The following PIBF1 variants were observed in gnomAD, a reference collection of about 807,000 sequenced individuals.
The protein encoded by PIBF1 is progesterone-induced-blocking factor 1.
A neutral mutation model predicts 112.5 loss-of-function variants in PIBF1; 90 were observed. That is an observed-to-expected ratio of 0.80 (90% confidence interval 0.67 to 0.95). The LOEUF (loss-of-function observed/expected upper bound fraction) is 0.95. Among genes scored for constraint, PIBF1 ranks in the 40% least tolerant of loss-of-function variants. The pLI is 0.00. For missense variants in PIBF1, 915 were observed against 852.3 expected (o/e 1.07, Z -0.92); for synonymous variants, 301 against 288.6 (o/e 1.04, Z -0.44).
At chr13:72,992,394 C>T (rs549678433) in intron 16 of PIBF1, among the ~76,000 whole-genome samples, 10 of 152,138 alleles carry the variant, frequency 6.6e-5, no homozygotes, top group Admixed American at 1.3e-4. Flanking sequence ...CAGAATGAAA[C>T]GAAGCTCTAG....
intron 5 of PIBF1, among the ~76,000 whole-genome samples, chr13:72,805,206 G>T (rs149438239): frequency 2.6e-5 from 4 of 152,100 alleles, no homozygotes; most frequent in African/African-American, 9.7e-5. Context: ...GCAGTGGCAC[G>T]ATCTCGGTTC....
At chr13:72,822,954 G>T (rs991616256) in intron 6 of PIBF1, among the ~76,000 whole-genome samples, 2 of 152,182 alleles carry the variant, frequency 1.3e-5, no homozygotes, top group African/African-American at 2.4e-5. Flanking sequence ...GAAGTAGAGG[G>T]CATAGTGGCA....
intron 16 of PIBF1, among the ~76,000 whole-genome samples, chr13:72,989,848 G>A (rs2138998057): frequency 6.6e-6 from 1 of 152,234 alleles, no homozygotes. Context: ...TTGCGCAGTG[G>A]AAAGTGGGGA....
At chr13:72,832,966 T>C (rs144941037) in intron 8 of PIBF1, among the ~76,000 whole-genome samples, 1 of 152,200 alleles carries the variant, frequency 6.6e-6, no homozygotes, top group African/African-American at 2.4e-5. Context: ...TATTCATTCC[T>C]TTTTATTCTT....
intron 2 of PIBF1, among the ~76,000 whole-genome samples, chr13:72,785,568 A>G (rs1271769263): frequency 6.6e-6 from 1 of 152,176 alleles, no homozygotes; most frequent in Non-Finnish European, 1.5e-5. Context: ...TGAAGCTCCA[A>G]ACACTTTCTT....
intron 13 of PIBF1, among the ~76,000 whole-genome samples, chr13:72,922,108 A>G (rs2041317343): frequency 6.6e-6 from 1 of 152,090 alleles, no homozygotes; most frequent in Admixed American, 6.6e-5. Context: ...CTTCCTGAGT[A>G]GCTAGGCATG....
chr13:72,931,717 C>CATATATATATATATATATATATAT (rs1414425546), intron 14 of PIBF1, among the ~76,000 whole-genome samples: 7 of 24,408 alleles, frequency 2.9e-4, no homozygotes, highest in East Asian at 1.8e-3. Flanking sequence ...ATTTAAACTA[C>CATATATATATATATATATATATAT]GTATATATAT....
Position 72,931,238 on chromosome 13 carries a change from A to C in PIBF1, c.1804A>C (p.Lys602Gln), listed in dbSNP as rs769414450. 3.1e-6 allele frequency: 5 copies of C among 1,612,164 alleles called. 1 individual carries two copies. In the Admixed American group the frequency reaches 8.3e-5, roughly 27 times the overall value. ...GATTTTAAAAGATCTGGAACATCGA[A>C]AGGACCAAGTAACACAGCTTTCACA... is the stretch of plus-strand genomic sequence containing the variant. ...SLILKDLEHR[K>Q]DQVTQLSQEL... Residue 602 changes from lysine to glutamine, a missense_variant, in exon 14 of 18, where the codon AAG becomes CAG. Lys to Gln is a moderately conservative substitution (Grantham distance 53). Coordinates refer to ENST00000326291, the MANE Select transcript of PIBF1 (RefSeq NM_006346.4).
In PIBF1 at chr13:72,953,988, CACTCAG is replaced by C. The variant is rs549241245; in HGVS notation, c.1834-11285_1834-11280del. On this transcript the variant is annotated intron_variant, in intron 14 of 17. Transcript: ENST00000326291. Reference sequence around the variant, plus strand: ...GTGAGGACTGGACCAGGCAAGTCCTCACTCAGGCTCTCCAGGTACAAGCACAAGCAG... The same window carrying C: ...GTGAGGACTGGACCAGGCAAGTCCTCGCTCTCCAGGTACAAGCACAAGCAG... 4.4e-3 allele frequency among the ~76,000 whole-genome samples: 674 copies of C among 152,246 alleles called. 6 individuals carry two copies. The highest frequency in any genetic ancestry group is 0.015 in the African/African-American group (632 of 41,552).
At chr13:72,927,480 G>T (rs578235908) in intron 13 of PIBF1, among the ~76,000 whole-genome samples, 1 of 152,148 alleles carries the variant, frequency 6.6e-6, no homozygotes, top group South Asian at 2.1e-4. Context: ...CTCCAGCCTG[G>T]TGACAGAGCA....
chr13:72,893,496 G>A (rs2040140594), intron 10 of PIBF1, among the ~76,000 whole-genome samples: 1 of 152,018 alleles, frequency 6.6e-6, no homozygotes, highest in African/African-American at 2.4e-5. Context: ...TCTAAGCAAT[G>A]TAACTGAAAT....
chr13:72,989,965 G>C (rs189071734), intron 16 of PIBF1, among the ~76,000 whole-genome samples: 46 of 152,092 alleles, frequency 3.0e-4, no homozygotes, highest in Non-Finnish European at 1.8e-4. Context: ...TGTAATCTCA[G>C]CACTTTGGGA....
chr13:72,855,747 G>T (rs1024701682), intron 10 of PIBF1, among the ~76,000 whole-genome samples: 1 of 152,160 alleles, frequency 6.6e-6, no homozygotes, highest in South Asian at 2.1e-4. Context: ...CCTATAAAGC[G>T]TTTGTTTTAT....
At chr13:72,809,281 C>A (rs2035889422) in intron 5 of PIBF1, among the ~76,000 whole-genome samples, 1 of 151,518 alleles carries the variant, frequency 6.6e-6, no homozygotes, top group Non-Finnish European at 1.5e-5. Context: ...TGCAATCAAT[C>A]ACATAGTATC....
chr13:72,894,996 C>T (rs894959754), intron 11 of PIBF1, among the ~76,000 whole-genome samples: 2 of 149,754 alleles, frequency 1.3e-5, no homozygotes, highest in African/African-American at 4.9e-5. Flanking sequence ...TGGTGGCATG[C>T]ACCTGTAGTC....
intron 9 of PIBF1, among the ~76,000 whole-genome samples, chr13:72,853,434 G>A (rs1214780265): frequency 6.6e-6 from 1 of 152,104 alleles, no homozygotes; most frequent in Non-Finnish European, 1.5e-5. Context: ...GAAAAGTGCT[G>A]TTCTACCTCC....
chr13:72,834,628 AAAAG>A (rs749898955), intron 8 of PIBF1, among the ~76,000 whole-genome samples: 1 of 152,180 alleles, frequency 6.6e-6, no homozygotes, highest in Non-Finnish European at 1.5e-5. Context: ...CTTTAAGAAA[AAAAG>A]AAAAAAATAC....
At chr13:72,848,238 T>G (rs1433791750) in intron 9 of PIBF1, among the ~76,000 whole-genome samples, 2 of 152,224 alleles carry the variant, frequency 1.3e-5, no homozygotes, top group African/African-American at 2.4e-5. Context: ...TGATACTGTT[T>G]GAATTTCGAA....
intron 9 of PIBF1, among the ~76,000 whole-genome samples, chr13:72,841,004 C>T (rs1223475593): frequency 2.0e-5 from 3 of 152,040 alleles, no homozygotes; most frequent in African/African-American, 7.3e-5. Context: ...GCAGTCATTC[C>T]ACTAGTTCTT....
Sources: gnomAD v4.1 joint callset for allele counts (sites outside exome capture counted in the v4.1 genomes callset) on GRCh38, gnomAD v4.1.1 for gene constraint, MANE v1.5 for transcripts, NCBI Gene and HGNC (gene_info 2026-07-23, HGNC 2026-07-21) for gene names.